The following GSE1 variants were observed in gnomAD, a reference collection of about 807,000 sequenced individuals.
GSE1 encodes the protein Gse1 coiled-coil protein.
A neutral mutation model predicts 112.6 loss-of-function variants in GSE1; 32 were observed. The observed-to-expected ratio is 0.28, with a 90% CI of 0.21 to 0.38. GSE1 has a LOEUF of 0.38. Ranked by LOEUF, GSE1 falls within the 10% of genes least tolerant of loss-of-function variation. The probability of loss-of-function intolerance (pLI) is 1.00; values close to 1 mark genes in which losing one functional copy is unlikely to be tolerated. For synonymous variants in GSE1, 1,115 were observed against 735.6 expected (o/e 1.52, Z -8.35); for missense variants, 2,348 against 1,699.2 (o/e 1.38, Z -6.71).
chr16:85,661,498 C>A lies in GSE1; in HGVS notation c.1993C>A (p.Gln665Lys). Residue 665 changes from glutamine to lysine, a missense_variant, in exon 9 of 16, where the codon CAG (glutamine) becomes AAG (lysine). Transcript: ENST00000253458. ...ACGAGAGGGAGGGAGCCTGGAGCAC[C>A]AGCCCTTCCTGCCCGGGCCCGGGCC... ...PPREGGSLEH[Q>K]PFLPGPGPFL... 6.2e-7 allele frequency: 1 copy of A among 1,611,956 alleles called. No homozygotes were observed. The highest frequency in any genetic ancestry group is 8.5e-7 in the Non-Finnish European group (1 of 1,179,606).
chr16:85,644,986 C>T (rs1347494717), intron 2 of GSE1, among the ~76,000 whole-genome samples: 1 of 151,954 alleles, frequency 6.6e-6, no homozygotes. Flanking sequence ...CAGAACGAAC[C>T]CACAGATCAG....
chr16:85,372,321 CA>C (rs1333684487), intron 2 of GSE1, among the ~76,000 whole-genome samples: 1 of 151,934 alleles, frequency 6.6e-6, no homozygotes, highest in Non-Finnish European at 1.5e-5. Context: ...TAAAAAACAA[CA>C]CAAACAATAA....
intron 1 of GSE1, among the ~76,000 whole-genome samples, chr16:85,230,543 C>T (rs989337131): frequency 1.3e-5 from 2 of 152,192 alleles, no homozygotes; most frequent in Admixed American, 6.5e-5. Context: ...CTCCCTACTT[C>T]GCTCTGCCTT....
At chr16:85,459,505 A>G (rs1442696207) in intron 2 of GSE1, among the ~76,000 whole-genome samples, 2 of 152,088 alleles carry the variant, frequency 1.3e-5, no homozygotes, top group Non-Finnish European at 2.9e-5. Flanking sequence ...TCACCATCCC[A>G]TTGGCTGTTA....
At chr16:85,224,769 C>A (rs1406645635) in intron 1 of GSE1, among the ~76,000 whole-genome samples, 1 of 151,052 alleles carries the variant, frequency 6.6e-6, no homozygotes, top group Non-Finnish European at 1.5e-5. Context: ...GTGGGCGGAT[C>A]ATGAGGTCAG....
At position 85,383,527 on chromosome 16, in the gene GSE1, GTCTCTCTCTCTCTCTCTC is replaced by G. The variant is rs55919597; in HGVS notation, c.2464+25914_2464+25931del. 4.0e-3 allele frequency among the ~76,000 whole-genome samples: 522 copies of G among 130,864 alleles called. 6 individuals are homozygous for G. The highest frequency in any genetic ancestry group is 0.026 in the Middle Eastern group (7 of 266). 85.9% of individuals were successfully genotyped at this position (130,864 alleles called of 152,430 possible). A position where few individuals can be genotyped will look rare whatever the true frequency, so the allele number is the denominator to read the frequency against. On this transcript the variant is annotated intron_variant, in intron 2 of 2. Transcript: ENST00000637419. ...CACACACACACACACGCACACCTGC[GTCTCTCTCTCTCTCTCTC>G]TCTCTCTCTCTCTCTCTCTCTCTCT...
At chr16:85,617,205 GCCCA>G (rs2048425248) in intron 1 of GSE1, among the ~76,000 whole-genome samples, 1 of 152,168 alleles carries the variant, frequency 6.6e-6, no homozygotes, top group Non-Finnish European at 1.5e-5. Flanking sequence ...ATACTCCCAT[GCCCA>G]CCCCGTGTCT....
chr16:85,386,175 G>A (rs1388490181), intron 2 of GSE1, among the ~76,000 whole-genome samples: 3 of 152,092 alleles, frequency 2.0e-5, no homozygotes, highest in African/African-American at 4.8e-5. Flanking sequence ...ACCCTCCCAC[G>A]CCCTGCCCCC....
At chr16:85,632,361 C>A (rs2049609759) in intron 1 of GSE1, among the ~76,000 whole-genome samples, 1 of 152,094 alleles carries the variant, frequency 6.6e-6, no homozygotes, top group African/African-American at 2.4e-5. Context: ...ATTTGCAGCC[C>A]CCTCTCTCAG....
At chr16:85,267,084 T>A (rs1367707428) in intron 1 of GSE1, among the ~76,000 whole-genome samples, 2 of 152,162 alleles carry the variant, frequency 1.3e-5, no homozygotes, top group East Asian at 1.9e-4. Context: ...CAGCTAATTA[T>A]GTGGAAAATT....
chr16:85,247,678 C>A (rs1294017479), intron 1 of GSE1, among the ~76,000 whole-genome samples: 1 of 152,232 alleles, frequency 6.6e-6, no homozygotes, highest in South Asian at 2.1e-4. Flanking sequence ...GCCAGCTGGC[C>A]CTGGGCAGGT....
chr16:85,479,178 T>C (rs549901064), intron 2 of GSE1, among the ~76,000 whole-genome samples: 246 of 132,614 alleles, frequency 1.9e-3, no homozygotes, highest in Middle Eastern at 0.011. Context: ...CCCGCCACCA[T>C]GCCCGGCTAA....
chr16:85,545,960 T>C (rs1051580989), intron 2 of GSE1, among the ~76,000 whole-genome samples: 17 of 152,160 alleles, frequency 1.1e-4, no homozygotes, highest in African/African-American at 3.9e-4. Flanking sequence ...TTGTTTTTTG[T>C]ATTTTTAGTA....
At chr16:85,636,403 C>T (rs529643671) in intron 2 of GSE1, among the ~76,000 whole-genome samples, 12 of 152,274 alleles carry the variant, frequency 7.9e-5, no homozygotes, top group Admixed American at 2.0e-4. Context: ...CGCCCCCACC[C>T]GTTTTGATGA....
At chr16:85,551,785 G>A (rs1349002618), upstream of GSE1, among the ~76,000 whole-genome samples, 1 of 152,242 alleles carries the variant, frequency 6.6e-6, no homozygotes, top group Non-Finnish European at 1.5e-5. Context: ...CCGAGGATGT[G>A]GCTAAAAGCA....
intron 2 of GSE1, among the ~76,000 whole-genome samples, chr16:85,640,907 C>G (rs1197572118): frequency 6.6e-6 from 1 of 151,926 alleles, no homozygotes; most frequent in Non-Finnish European, 1.5e-5. Context: ...GCCCGGGGGC[C>G]AGAGGGCTGG....
intron 1 of GSE1, among the ~76,000 whole-genome samples, chr16:85,331,345 G>GTATATATA (rs1567692419): frequency 2.7e-4 from 20 of 74,216 alleles, no homozygotes; most frequent in African/African-American, 6.6e-4. Context: ...GTGTGTGTGT[G>GTATATATA]TGTGTGTGTG....
intron 1 of GSE1, among the ~76,000 whole-genome samples, chr16:85,190,657 C>CT (rs1175907398): frequency 1.3e-5 from 2 of 152,280 alleles, no homozygotes; most frequent in African/African-American, 4.8e-5. Context: ...CCAACTTAGC[C>CT]TGTCAGAGGC....
At chr16:85,647,441 A>T (rs2050968123) in intron 2 of GSE1, among the ~76,000 whole-genome samples, 1 of 152,022 alleles carries the variant, frequency 6.6e-6, no homozygotes, top group South Asian at 2.1e-4. Context: ...ATTATATCTC[A>T]TTTTCTGAAA....
Sources: gnomAD v4.1 joint callset for allele counts (sites outside exome capture counted in the v4.1 genomes callset) on GRCh38, gnomAD v4.1.1 for gene constraint, MANE v1.5 for transcripts, NCBI Gene and HGNC (gene_info 2026-07-23, HGNC 2026-07-21) for gene names.